The following PAOX variants were observed in gnomAD, a reference collection of about 807,000 sequenced individuals.
PAOX encodes peroxisomal N(1)-acetyl-spermine/spermidine oxidase.
Under a neutral mutation model 39.0 loss-of-function variants are expected in PAOX, and 38 were observed. The ratio of observed to expected loss-of-function variants is 0.97; its 90% CI spans 0.75 to 1.28. PAOX has a LOEUF of 1.28. Among genes scored for constraint, PAOX ranks in the 50% most tolerant of loss-of-function variants. PAOX has a pLI of 0.00. For missense variants in PAOX, 667 were observed against 685.7 expected, an observed-to-expected ratio of 0.97 and a Z score of 0.30; for synonymous variants, 311 against 314.4, an observed-to-expected ratio of 0.99 and a Z score of 0.11.
chr10:133,391,299 CTCT>C lies in PAOX; in HGVS notation c.1393-8_1393-6del, dbSNP rs753296681. 13 of 1,612,480 alleles carry C rather than the reference CTCT, an allele frequency of 8.1e-6. No individual in the cohort carries two copies. The South Asian group carries it at 1.4e-4, about 18-fold the overall frequency. On this transcript the variant is annotated splice_polypyrimidine_tract_variant and intron_variant, in intron 6 of 6. Coordinates refer to ENST00000278060, the MANE Select transcript of PAOX (RefSeq NM_152911.4). Reference sequence around the variant, plus strand: ...AATTGCATCCCCATTCTAACCCTGGCTCTTCTTTGCAGCTCCAGATCCTGTTTG... The same window carrying C: ...AATTGCATCCCCATTCTAACCCTGGCTCTTTGCAGCTCCAGATCCTGTTTG...
chr10:133,383,767 T>C (rs986800247), intron 3 of PAOX, among the ~76,000 whole-genome samples, 193 bp from the exon 4 acceptor site: 3 of 152,182 alleles, frequency 2.0e-5, no homozygotes, highest in Admixed American at 1.3e-4. Flanking sequence ...ATCATGGTGC[T>C]GCATGCACTC....
Position 133,389,757 on chromosome 10 carries a change from G to C in PAOX, c.1392+10G>C, listed in dbSNP as rs759132553. The C allele has an allele frequency of 1.8e-5, 27 of 1,484,478 alleles. No individual in the cohort carries two copies. Among genetic ancestry groups the C allele is most frequent in the Non-Finnish European group, 2.2e-5 (25 of 1,117,936 alleles). 92.0% of individuals were successfully genotyped at this position (1,484,478 alleles called of 1,614,324 possible). On this transcript the variant is annotated intron_variant, in intron 6 of 6. Transcript: ENST00000278060. ...CGGCGCCGGCGCCCAGGTATGTGGC[G>C]TGCCCCAGTCGGGGGGCGTGGGTCC...
chr10:133,387,939 G>A (rs1263423259), intron 4 of PAOX, among the ~76,000 whole-genome samples: 3 of 152,106 alleles, frequency 2.0e-5, no homozygotes, highest in South Asian at 2.1e-4. Flanking sequence ...GGCTGGTCTC[G>A]AACTCCTGAC....
intron 4 of PAOX, among the ~76,000 whole-genome samples, chr10:133,387,919 A>C (rs939464985): frequency 6.6e-6 from 1 of 152,046 alleles, no homozygotes; most frequent in Non-Finnish European, 1.5e-5. Flanking sequence ...GGGCTTTACC[A>C]TATTGACCAG....
chr10:133,379,451 G>A lies in PAOX; in HGVS notation c.135G>A (p.Glu45=). 8.2e-7 allele frequency: 1 copy of A among 1,225,380 alleles called. No individual in the cohort carries two copies. The highest frequency in any genetic ancestry group is 1.0e-6 in the Non-Finnish European group (1 of 984,064). 75.9% of individuals were successfully genotyped at this position (1,225,380 alleles called of 1,614,324 possible). The change falls in exon 1 of 7, where the codon GAG becomes GAA. Residue 45 remains glutamate (E), a synonymous_variant. Transcript: ENST00000278060. ...CCTTCCCGCACCTGCGGGTCCTGGAGGCCACGGCCCGCGCCGGGGGCCGCA... is the reference window on the plus strand; with the variant it reads ...CCTTCCCGCACCTGCGGGTCCTGGAAGCCACGGCCCGCGCCGGGGGCCGCA... The part of the protein sequence containing the change: ...HSAFPHLRVL[E]ATARAGGRIR...
Position 133,381,513 on chromosome 10 carries a change from T to C in PAOX, c.722T>C (p.Val241Ala). 1 of 1,613,684 alleles carries C rather than the reference T, an allele frequency of 6.2e-7. No individual in the cohort carries two copies. Among genetic ancestry groups the C allele is most frequent in the Non-Finnish European group, 8.5e-7 (1 of 1,180,030 alleles). The change falls in exon 3 of 7, where the codon GTA becomes GCA. Residue 241 changes from valine to alanine, a missense_variant. Coordinates refer to ENST00000278060, the MANE Select transcript of PAOX (RefSeq NM_152911.4). ...CMMAALPEDT[V>A]VFEKPVKTIH... ...ATGGCCGCCCTGCCGGAGGACACTG[T>C]AGTTTTTGAGAAGCCTGTGAAGACC...
rs78837789 is a variant in PAOX at position 133,391,659 on chromosome 10, G to A, written c.*204G>A. On this transcript the variant is annotated 3_prime_UTR_variant, in exon 7 of 7. Coordinates refer to ENST00000278060, the MANE Select transcript of PAOX (RefSeq NM_152911.4). Reference sequence around the variant, plus strand: ...TTGAGCTGAGACACCAGATGCTCACGGAGATGCTGGACACATAAAGCAAGT... The same window carrying A: ...TTGAGCTGAGACACCAGATGCTCACAGAGATGCTGGACACATAAAGCAAGT... 3.6e-3 allele frequency: 2,735 copies of A among 766,094 alleles called. 67 individuals carry two copies. The African/African-American group carries it at 0.043, about 12-fold the overall frequency. The allele number at this position is 766,094 out of a possible 1,614,324, so 47.5% of individuals were successfully genotyped here.
intron 4 of PAOX, among the ~76,000 whole-genome samples, chr10:133,388,652 C>A (rs1195857047): frequency 6.6e-6 from 1 of 152,230 alleles, no homozygotes; most frequent in East Asian, 1.9e-4. Flanking sequence ...ATGGCTGTGA[C>A]CTTGAGGGTC....
At chr10:133,381,726 G>GT in intron 3 of PAOX, 67 bp downstream of exon 3, 1 of 1,547,250 alleles carries the variant, frequency 6.5e-7, no homozygotes, top group African/African-American at 1.4e-5. Context: ...CCCTGCCTCA[G>GT]TTGGCTCTGG....
rs1361158871 is a variant in PAOX, at chr10:133,379,740, C to T, written c.181+243C>T. ...ACAAGGCCGCCCTGATTCTGCCCCA[C>T]GGGGGCCCCCCCAGCCCCGGGGTAC... On this transcript the variant is annotated intron_variant, in intron 1 of 6. Transcript: ENST00000278060. 7.3e-6 allele frequency: 4 copies of T among 546,028 alleles called. No individual in the cohort carries two copies. In the Admixed American group the frequency reaches 1.1e-4, roughly 16 times the overall value. 33.8% of individuals were successfully genotyped at this position (546,028 alleles called of 1,614,324 possible). A position where few individuals can be genotyped will look rare whatever the true frequency, so the allele number is the denominator to read the frequency against.
At chr10:133,389,802 G>A (rs960597865) in intron 6 of PAOX, 55 bp downstream of exon 6, 11 of 1,400,884 alleles carry the variant, frequency 7.9e-6, no homozygotes, top group African/African-American at 4.5e-5. Context: ...GGCCCCCGCC[G>A]AGTCTGGGCG....
intron 3 of PAOX, among the ~76,000 whole-genome samples, chr10:133,383,469 C>T (rs1053175771): frequency 2.6e-5 from 4 of 151,106 alleles, no homozygotes; most frequent in African/African-American, 7.3e-5. Context: ...TGGGCCTGGT[C>T]GTGGGTGCCT....
At chr10:133,387,281 A>C (rs1006282142) in intron 4 of PAOX, among the ~76,000 whole-genome samples, 4 of 152,200 alleles carry the variant, frequency 2.6e-5, no homozygotes, top group Non-Finnish European at 5.9e-5. Flanking sequence ...CATGTCTTAA[A>C]AAAATAAAAT....
chr10:133,381,438 A>T lies in PAOX; in HGVS notation c.669-22A>T, dbSNP rs765605203. 68 of 1,611,936 alleles carry T rather than the reference A, an allele frequency of 4.2e-5. No individual in the cohort carries two copies. In the South Asian group the frequency reaches 6.6e-4, roughly 16 times the overall value. ...CTTCCAGGGACTGGGCCTCTACGAA[A>T]CCAGCACTTCCGTCTTTCTAGGGGC... On this transcript the variant is annotated intron_variant, in intron 2 of 6. Transcript: ENST00000278060.
rs1849310626 is a variant in PAOX, at chr10:133,380,007, G to C, written c.190G>C (p.Val64Leu). 1 of 1,510,028 alleles carries C rather than the reference G, an allele frequency of 6.6e-7. No individual in the cohort carries two copies. The highest frequency in any genetic ancestry group is 8.8e-7 in the Non-Finnish European group (1 of 1,134,266). The allele number at this position is 1,510,028 out of a possible 1,614,324, so 93.5% of individuals were successfully genotyped here. ...IRSERCFGGVVEVGAHWIHGP... is the reference protein window; with the variant it reads ...IRSERCFGGVLEVGAHWIHGP... Reference sequence around the variant, plus strand: ...CTGCTGTCCCCTCGCAGGTGGCGTGGTGGAGGTGGGCGCGCACTGGATCCA... The same window carrying C: ...CTGCTGTCCCCTCGCAGGTGGCGTGCTGGAGGTGGGCGCGCACTGGATCCA... The change falls in exon 2 of 7, where the codon GTG becomes CTG. Residue 64 changes from valine (V) to leucine (L), a missense_variant. By Grantham distance (32) the Val-to-Leu change is conservative. Transcript: ENST00000278060.
At position 133,380,461 on chromosome 10, in the gene PAOX, C is replaced by T. The variant is rs759488830; in HGVS notation, c.644C>T (p.Pro215Leu). 3 of 1,609,990 alleles carry T rather than the reference C, an allele frequency of 1.9e-6. No homozygotes were observed. Among genetic ancestry groups the T allele is most frequent in the East Asian group, 2.2e-5 (1 of 44,864 alleles). The change falls in exon 2 of 7, where the codon CCG becomes CTG. Residue 215 changes from proline (P) to leucine (L), a missense_variant. By Grantham distance (98) the Pro-to-Leu change is moderately conservative (BLOSUM62 -3). Transcript: ENST00000278060. Reference sequence around the variant, plus strand: ...CCCTTTGGGGAGTATACCGTGCTGCCGGGGCTGGACTGCACCTTTTCTAAG... The same window carrying T: ...CCCTTTGGGGAGTATACCGTGCTGCTGGGGCTGGACTGCACCTTTTCTAAG... ...LAPFGEYTVL[P>L]GLDCTFSKGY...
rs1589892139 is a variant in PAOX at position 133,381,674 on chromosome 10, C to T, written c.868+15C>T. 4.3e-6 allele frequency: 7 copies of T among 1,611,828 alleles called. No homozygotes were observed. The African/African-American group carries it at 6.7e-5, about 15-fold the overall frequency. The stretch of plus-strand genomic sequence containing the variant: ...CGTGCCCTTAGGTAGGTCAGGTTTT[C>T]AGCCCAAACCCCCATCCCAAGTGCC... On this transcript the variant is annotated intron_variant, in intron 3 of 6. Transcript: ENST00000278060.
At chr10:133,387,895 ATTTTT>A (rs1849569896) in intron 4 of PAOX, among the ~76,000 whole-genome samples, 1 of 151,970 alleles carries the variant, frequency 6.6e-6, no homozygotes, top group African/African-American at 2.4e-5. Context: ...TAATTTTTGT[ATTTTT>A]ATTAGACAGG....
intron 4 of PAOX, among the ~76,000 whole-genome samples, chr10:133,385,066 C>T (rs943951005): frequency 2.0e-5 from 3 of 152,052 alleles, no homozygotes; most frequent in Non-Finnish European, 4.4e-5. Context: ...GAGGCTGAGG[C>T]GGGTGGATCA....
Sources: gnomAD v4.1 joint callset for allele counts (sites outside exome capture counted in the v4.1 genomes callset) on GRCh38, gnomAD v4.1.1 for gene constraint, MANE v1.5 for transcripts, NCBI Gene and HGNC (gene_info 2026-07-23, HGNC 2026-07-21) for gene names.